Variants in CARMIL1 observed in about 807,000 individuals in gnomAD.
CARMIL1 encodes capping protein regulator and myosin 1 linker 1, also known as F-actin-uncapping protein LRRC16A.
CARMIL1 carries 90 observed loss-of-function variants against 177.1 expected under a neutral mutation model. The ratio of observed to expected loss-of-function variants is 0.51; its 90% CI spans 0.43 to 0.61. The LOEUF (loss-of-function observed/expected upper bound fraction) is 0.61. Ranked by LOEUF, CARMIL1 falls within the 20% of genes least tolerant of loss-of-function variation. The pLI, the probability that CARMIL1 is intolerant of heterozygous loss-of-function variation, is 0.00. For missense variants in CARMIL1, 1,380 were observed against 1,667.0 expected (o/e 0.83, Z 3.00); for synonymous variants, 577 against 606.2 (o/e 0.95, Z 0.71).
intron 12 of CARMIL1, 119 bp from the exon 13 acceptor site, chr6:25,488,363 G>A: frequency 2.6e-6 from 2 of 776,102 alleles, no homozygotes; most frequent in Non-Finnish European, 4.7e-6. Flanking sequence ...TTCAGGGACA[G>A]TGCTCATGGT....
At chr6:25,383,004 G>A (rs1268897263) in intron 2 of CARMIL1, among the ~76,000 whole-genome samples, 1 of 152,160 alleles carries the variant, frequency 6.6e-6, no homozygotes, top group Non-Finnish European at 1.5e-5. Flanking sequence ...GTCTGTGAAA[G>A]AGAGAGGTTC....
At chr6:25,483,173 TTCTC>T (rs1372519718) in intron 12 of CARMIL1, among the ~76,000 whole-genome samples, 2 of 152,190 alleles carry the variant, frequency 1.3e-5, no homozygotes, top group South Asian at 2.1e-4. Flanking sequence ...TGGCCTGTGC[TTCTC>T]TCTATTTATC....
intron 8 of CARMIL1, among the ~76,000 whole-genome samples, chr6:25,459,269 T>TCTTTCTTTC (rs56094712): frequency 4.8e-4 from 57 of 118,096 alleles, no homozygotes; most frequent in Admixed American, 6.4e-4. Context: ...TTTCTTTCTT[T>TCTTTCTTTC]TTTTTTTTTT....
At chr6:25,387,539 A>G (rs1792304675) in intron 2 of CARMIL1, among the ~76,000 whole-genome samples, 1 of 152,238 alleles carries the variant, frequency 6.6e-6, no homozygotes, top group Non-Finnish European at 1.5e-5. Context: ...CAATAGCAGT[A>G]TATATTCTGC....
intron 2 of CARMIL1, among the ~76,000 whole-genome samples, chr6:25,355,217 A>C (rs1788478027): frequency 6.6e-6 from 1 of 152,220 alleles, no homozygotes; most frequent in African/African-American, 2.4e-5. Context: ...CACATGAATG[A>C]GCCAAGAAGG....
intron 1 of CARMIL1, among the ~76,000 whole-genome samples, chr6:25,281,154 A>G (rs1420999546): frequency 6.0e-5 from 9 of 150,140 alleles, no homozygotes; most frequent in East Asian, 4.3e-4. Flanking sequence ...ACACACACAC[A>G]CACACACACA....
chr6:25,480,720 A>G (rs1296741204), intron 11 of CARMIL1, among the ~76,000 whole-genome samples: 16 of 127,666 alleles, frequency 1.3e-4, no homozygotes, highest in African/African-American at 4.5e-4. Context: ...CTGTATTACT[A>G]TTTGTTTCCT....
intron 2 of CARMIL1, among the ~76,000 whole-genome samples, chr6:25,314,517 CATACATACACATATATACGT>C (rs1784113494): frequency 6.6e-6 from 1 of 150,882 alleles, no homozygotes; most frequent in South Asian, 2.1e-4. Flanking sequence ...ACACACAATA[CATACATACACATATATACGT>C]ATACATACAC....
intron 2 of CARMIL1, among the ~76,000 whole-genome samples, chr6:25,306,695 A>G (rs755869576): frequency 3.3e-5 from 5 of 152,186 alleles, no homozygotes; most frequent in Admixed American, 6.5e-5. Flanking sequence ...TCATACTTCA[A>G]TGGACCTTTG....
intron 2 of CARMIL1, among the ~76,000 whole-genome samples, chr6:25,325,324 T>C (rs1193046080): frequency 6.6e-6 from 1 of 152,218 alleles, no homozygotes. Flanking sequence ...TACCATGAGC[T>C]GCTTAATCTG....
intron 2 of CARMIL1, among the ~76,000 whole-genome samples, chr6:25,302,469 T>G (rs902448044): frequency 6.6e-6 from 1 of 152,220 alleles, no homozygotes; most frequent in Non-Finnish European, 1.5e-5. Flanking sequence ...TTGAGGAGAT[T>G]GTAAACTACT....
intron 9 of CARMIL1, among the ~76,000 whole-genome samples, chr6:25,468,745 T>C (rs937425119): frequency 3.3e-5 from 5 of 152,246 alleles, no homozygotes; most frequent in Non-Finnish European, 7.3e-5. Flanking sequence ...TAATCATGAA[T>C]GATTTGTTAC....
intron 17 of CARMIL1, 124 bp downstream of exon 17, chr6:25,500,359 C>G: frequency 1.3e-6 from 1 of 784,900 alleles, no homozygotes; most frequent in Non-Finnish European, 2.1e-6. Flanking sequence ...ATAAATTATA[C>G]AAGTTTCTAA....
At chr6:25,325,159 G>A (rs1784970316) in intron 2 of CARMIL1, among the ~76,000 whole-genome samples, 1 of 152,198 alleles carries the variant, frequency 6.6e-6, no homozygotes, top group South Asian at 2.1e-4. Flanking sequence ...ATGTTGATGG[G>A]TGGTAGATTA....
intron 8 of CARMIL1, among the ~76,000 whole-genome samples, chr6:25,450,976 CCTCT>C (rs1408671300): frequency 1.8e-3 from 12 of 6,510 alleles, no homozygotes; most frequent in African/African-American, 5.5e-3. Flanking sequence ...CTTCTCTTCT[CCTCT>C]CCCCCTCCCC....
intron 8 of CARMIL1, among the ~76,000 whole-genome samples, chr6:25,462,288 G>T (rs1011239162): frequency 6.6e-6 from 1 of 151,972 alleles, no homozygotes; most frequent in Non-Finnish European, 1.5e-5. Context: ...TATAATATGT[G>T]TCTCATCCCA....
chr6:25,577,766 A>AC lies in CARMIL1; in HGVS notation c.2743-3158_2743-3157insC, dbSNP rs3842487. ...TGTGCAGAATAGTTTAAAATTCATTAAAAAATTTGATCAAATGAGTACAAT... is the reference window on the plus strand; with the variant it reads ...TGTGCAGAATAGTTTAAAATTCATTACAAAAATTTGATCAAATGAGTACAAT... On this transcript the variant is annotated intron_variant, in intron 29 of 36. Coordinates refer to ENST00000329474, the MANE Select transcript of CARMIL1 (RefSeq NM_017640.6). The surrounding 1 kb of genome is among the most constrained non-coding windows in gnomAD (Gnocchi z 4.5). Among the ~76,000 whole-genome samples, 11,984 of 152,096 alleles carry AC rather than the reference A, an allele frequency of 0.079. 623 individuals are homozygous for AC. The highest frequency in any genetic ancestry group is 0.12 in the Non-Finnish European group (8,023 of 67,972).
intron 31 of CARMIL1, among the ~76,000 whole-genome samples, chr6:25,590,813 C>G (rs75063949): frequency 0.13 from 20,415 of 151,974 alleles, 1,475 homozygotes; most frequent in African/African-American, 0.17. Flanking sequence ...TAGCTTTAAT[C>G]TCTTATATAG....
At chr6:25,461,876 T>A (rs1261755279) in intron 8 of CARMIL1, among the ~76,000 whole-genome samples, 1 of 152,172 alleles carries the variant, frequency 6.6e-6, no homozygotes, top group African/African-American at 2.4e-5. Flanking sequence ...TTTCTCTTTT[T>A]TAAACCGTGC....
Sources: allele counts gnomAD v4.1 joint callset (sites outside exome capture counted in the v4.1 genomes callset), GRCh38; gene constraint gnomAD v4.1.1; non-coding constraint Gnocchi (gnomAD v3.1); transcripts MANE v1.5; gene names NCBI Gene and HGNC (gene_info 2026-07-23, HGNC 2026-07-21).